CHUK: variants seen among roughly 807,000 people sequenced by gnomAD.
CHUK encodes component of inhibitor of nuclear factor kappa B kinase complex, also known as inhibitor of nuclear factor kappa-B kinase subunit alpha.
A neutral mutation model predicts 104.8 loss-of-function variants in CHUK; 35 were observed. The observed-to-expected ratio is 0.33, with a 90% confidence interval of 0.26 to 0.44. CHUK has a LOEUF of 0.44. Ranked by LOEUF, CHUK falls within the 20% of genes least tolerant of loss-of-function variation. CHUK has a pLI of 1.00. For synonymous variants in CHUK, 276 were observed against 291.9 expected, an observed-to-expected ratio of 0.95 and a Z score of 0.56; for missense variants, 663 against 902.7, an observed-to-expected ratio of 0.73 and a Z score of 3.40.
chr10:100,209,819 A>G (rs1845681895), intron 9 of CHUK, 30 bp from the exon 10 acceptor site: 1 of 1,009,114 alleles, frequency 9.9e-7, no homozygotes, highest in Non-Finnish European at 1.6e-6. Context: ...AGGTAAAGTT[A>G]TTGATTATTT....
At chr10:100,198,005 G>T (rs1845376878) in intron 16 of CHUK, among the ~76,000 whole-genome samples, 1 of 152,198 alleles carries the variant, frequency 6.6e-6, no homozygotes, top group Non-Finnish European at 1.5e-5. Flanking sequence ...TGTCATTCCA[G>T]CTGGTAAATA....
In CHUK at chr10:100,202,130, T is replaced by C. The variant is rs566118493; in HGVS notation, c.1527A>G (p.Lys509=). The change falls in exon 14 of 21, where the codon AAA becomes AAG. Residue 509 remains lysine (K), a synonymous_variant. Coordinates refer to ENST00000370397, the MANE Select transcript of CHUK (RefSeq NM_001278.5). The stretch of plus-strand genomic sequence containing the variant: ...CCTTTTCTTCCATTTCTTTCCATGC[T>C]TTTAGCATTTTTTCTGAAGCTAAAA... The part of the protein sequence containing the change: ...TYGISSEKML[K]AWKEMEEKAI... 3.1e-6 allele frequency: 5 copies of C among 1,611,864 alleles called. No homozygotes were observed. The highest frequency in any genetic ancestry group is 4.2e-6 in the Non-Finnish European group (5 of 1,178,434).
At chr10:100,193,653 C>T (rs977432576) in intron 18 of CHUK, 18 of 612,854 alleles carry the variant, frequency 2.9e-5, no homozygotes, top group Non-Finnish European at 4.8e-5. Context: ...CATCTTATAC[C>T]ATTTTAGTTG....
At chr10:100,215,165 G>A (rs1484571262) in intron 9 of CHUK, among the ~76,000 whole-genome samples, 1 of 147,004 alleles carries the variant, frequency 6.8e-6, no homozygotes, top group Non-Finnish European at 1.5e-5. Flanking sequence ...AACCCAGGAG[G>A]TGTAGGTTGC....
At chr10:100,204,427 G>C (rs1042853582) in intron 13 of CHUK, 79 bp downstream of exon 13, 35 of 1,139,170 alleles carry the variant, frequency 3.1e-5, no homozygotes, top group Non-Finnish European at 4.4e-5. Context: ...TAAAACAACT[G>C]GCTGAGTTAA....
rs931215994 is a variant in CHUK, at chr10:100,203,940, C to T, written c.1507+566G>A. Among the ~76,000 whole-genome samples, 19 of 152,168 alleles carry T rather than the reference C, an allele frequency of 1.2e-4. 1 individual carries two copies. The highest frequency in any genetic ancestry group is 1.1e-3 in the Admixed American group (17 of 15,286). On this transcript the variant is annotated intron_variant, in intron 13 of 20. Transcript: ENST00000370397. ...AATTTATTTCTTATAGTTCTGGAGG[C>T]TGGGAAGTCCAAGAACAAGGCAGAT...
At chr10:100,197,391 T>C (rs1233295044) in intron 16 of CHUK, among the ~76,000 whole-genome samples, 1 of 152,110 alleles carries the variant, frequency 6.6e-6, no homozygotes, top group East Asian at 1.9e-4. Flanking sequence ...CCTCTCTTCT[T>C]TCCTGAGCAG....
At chr10:100,187,454 T>C (rs543056268), downstream of CHUK, 1 of 152,332 alleles carries the variant, frequency 6.6e-6, no homozygotes, top group South Asian at 2.1e-4. Context: ...TCCAAATAAA[T>C]GATATTTGCA....
At chr10:100,191,424 G>A (rs1363346038) in intron 19 of CHUK, among the ~76,000 whole-genome samples, 2 of 152,194 alleles carry the variant, frequency 1.3e-5, no homozygotes, top group Non-Finnish European at 2.9e-5. Context: ...AATCTGTTCT[G>A]TAGAGATCAC....
At chr10:100,224,418 A>G (rs1232280874) in intron 2 of CHUK, among the ~76,000 whole-genome samples, 1 of 152,190 alleles carries the variant, frequency 6.6e-6, no homozygotes, top group African/African-American at 2.4e-5. Flanking sequence ...ATTTTAAGCC[A>G]CTAAATGTTG....
chr10:100,227,693 A>G (rs528131730), intron 1 of CHUK, among the ~76,000 whole-genome samples: 7 of 152,210 alleles, frequency 4.6e-5, no homozygotes, highest in African/African-American at 1.4e-4. Flanking sequence ...CCTATCTAGA[A>G]ACCTGGTTCA....
In CHUK at chr10:100,193,094, G is replaced by A. The variant is rs1209542937; in HGVS notation, c.2108+204C>T. The A allele has an allele frequency of 2.0e-5, 12 of 605,920 alleles. No homozygotes were observed. The Admixed American group carries it at 2.8e-4, about 14-fold the overall frequency. 37.5% of individuals were successfully genotyped at this position (605,920 alleles called of 1,614,324 possible). On this transcript the variant is annotated intron_variant, in intron 19 of 20. Transcript: ENST00000370397. ...TACATTGTCTAATCAAATTTCCACA[G>A]CAGTTCTATGAGACATTCCTGTTTT... is the stretch of plus-strand genomic sequence containing the variant.
intron 1 of CHUK, among the ~76,000 whole-genome samples, chr10:100,227,101 A>T (rs1846122857): frequency 6.6e-6 from 1 of 152,230 alleles, no homozygotes; most frequent in African/African-American, 2.4e-5. Context: ...ACCATGAACA[A>T]CACTGAGCCC....
At chr10:100,218,155 A>G (rs771466514) in intron 8 of CHUK, 25 bp from the exon 9 acceptor site, 1 of 1,594,696 alleles carries the variant, frequency 6.3e-7, no homozygotes, top group Admixed American at 1.7e-5. Flanking sequence ...AAATAGGGTG[A>G]AAATCAAATC....
chr10:100,207,179 A>T, intron 11 of CHUK, 51 bp downstream of exon 11: 1 of 866,596 alleles, frequency 1.2e-6, no homozygotes, highest in Non-Finnish European at 2.0e-6. Flanking sequence ...TGAGAGTCAA[A>T]GTTATATTAA....
intron 16 of CHUK, among the ~76,000 whole-genome samples, chr10:100,197,386 CTT>C (rs1256727433): frequency 6.6e-6 from 1 of 152,182 alleles, no homozygotes; most frequent in Non-Finnish European, 1.5e-5. Context: ...ACCCACCTCT[CTT>C]CTTTCCTGAG....
At chr10:100,193,914 T>C (rs1845263386) in intron 18 of CHUK, 70 bp downstream of exon 18, 8 of 1,425,466 alleles carry the variant, frequency 5.6e-6, no homozygotes, top group Non-Finnish European at 4.9e-6. Context: ...CTCATGCTGA[T>C]AAAAATCCCC....
At chr10:100,193,003 A>C (rs1845238705) in intron 19 of CHUK, 2 of 397,892 alleles carry the variant, frequency 5.0e-6, no homozygotes, top group East Asian at 5.4e-5. Context: ...CTTAGCTAAT[A>C]ATAAGCAACA....
chr10:100,228,047 GCAA>G (rs1045659936), intron 1 of CHUK, among the ~76,000 whole-genome samples: 10 of 152,156 alleles, frequency 6.6e-5, no homozygotes, highest in African/African-American at 2.4e-4. Context: ...GATCATAGCA[GCAA>G]CAACAACAAA....
Sources: gnomAD v4.1 joint callset for allele counts (sites outside exome capture counted in the v4.1 genomes callset) on GRCh38, gnomAD v4.1.1 for gene constraint, MANE v1.5 for transcripts, NCBI Gene and HGNC (gene_info 2026-07-23, HGNC 2026-07-21) for gene names.